Variants in CDH4 observed in about 807,000 individuals in gnomAD.
CDH4 encodes cadherin-4.
A neutral mutation model predicts 86.0 loss-of-function variants in CDH4; 33 were observed. That is an observed-to-expected ratio of 0.38 (90% CI 0.29 to 0.51). The LOEUF (loss-of-function observed/expected upper bound fraction) is 0.51, where lower values mean the gene tolerates loss of function less well. Among genes scored for constraint, CDH4 ranks in the 20% least tolerant of loss-of-function variants. The pLI, the probability that CDH4 is intolerant of heterozygous loss-of-function variation, is 0.86. For synonymous variants in CDH4, 555 were observed against 549.4 expected (o/e 1.01, Z -0.14); for missense variants, 1,114 against 1,307.4 (o/e 0.85, Z 2.28).
At position 61,357,004 on chromosome 20, in the gene CDH4, G is replaced by A. The variant is rs374844112; in HGVS notation, c.169+102067G>A. Among the ~76,000 whole-genome samples, 13 of 152,318 alleles carry A rather than the reference G, an allele frequency of 8.5e-5. 1 individual carries two copies. The East Asian group carries it at 1.4e-3, about 16-fold the overall frequency. Reference sequence around the variant, plus strand: ...GGAATCTGTAGTGGGCCTGAACTCCGTGGGGTGTTCCAGGGTTAGGGTCAA... The same window carrying A: ...GGAATCTGTAGTGGGCCTGAACTCCATGGGGTGTTCCAGGGTTAGGGTCAA... On this transcript the variant is annotated intron_variant, in intron 2 of 15. Transcript: ENST00000614565.
chr20:61,767,589 C>A (rs1350490410), intron 3 of CDH4, among the ~76,000 whole-genome samples: 1 of 152,174 alleles, frequency 6.6e-6, no homozygotes, highest in African/African-American at 2.4e-5. Flanking sequence ...TGAGCTAAAA[C>A]CCTATAGGCT....
At chr20:61,644,906 C>T (rs1462884079) in intron 2 of CDH4, among the ~76,000 whole-genome samples, 2 of 152,198 alleles carry the variant, frequency 1.3e-5, no homozygotes, top group South Asian at 2.1e-4. Context: ...AGGGAGGAGT[C>T]GCTGAGTCGT....
At chr20:61,583,163 G>C (rs532458863) in intron 2 of CDH4, among the ~76,000 whole-genome samples, 4 of 112,596 alleles carry the variant, frequency 3.6e-5, no homozygotes, top group Non-Finnish European at 8.0e-5. Context: ...AGGGACAGAG[G>C]GCTCTGCGGG....
chr20:61,651,855 G>A (rs1190794663), intron 2 of CDH4, among the ~76,000 whole-genome samples: 4 of 152,222 alleles, frequency 2.6e-5, no homozygotes, highest in African/African-American at 7.2e-5. Context: ...CTTTGAGGCT[G>A]TGGGTGGGAA....
At chr20:61,797,367 C>T (rs1317389607) in intron 4 of CDH4, among the ~76,000 whole-genome samples, 2 of 152,210 alleles carry the variant, frequency 1.3e-5, no homozygotes, top group Non-Finnish European at 2.9e-5. Context: ...TGAAACTGCA[C>T]AGCGGGGAGG....
intron 6 of CDH4, among the ~76,000 whole-genome samples, chr20:61,866,971 G>A (rs550051015): frequency 5.3e-5 from 8 of 152,312 alleles, no homozygotes; most frequent in South Asian, 2.1e-4. Context: ...CCCTGCCGTC[G>A]CCCTTTCCCG....
At chr20:61,311,084 C>T (rs1472847042) in intron 2 of CDH4, among the ~76,000 whole-genome samples, 2 of 152,164 alleles carry the variant, frequency 1.3e-5, no homozygotes, top group Non-Finnish European at 2.9e-5. Context: ...CCATCAGATC[C>T]ATACAGTGAA....
intron 2 of CDH4, among the ~76,000 whole-genome samples, chr20:61,368,546 A>ATT (rs897452791): frequency 2.7e-5 from 4 of 147,286 alleles, no homozygotes; most frequent in African/African-American, 9.9e-5. Context: ...AGGAATGGTA[A>ATT]TTTTTTTTTT....
chr20:61,805,586 G>A (rs1007297439), intron 4 of CDH4, among the ~76,000 whole-genome samples: 11 of 152,200 alleles, frequency 7.2e-5, no homozygotes, highest in African/African-American at 1.7e-4. Flanking sequence ...CAGCCTGCCC[G>A]GGGGTCTCGG....
intron 2 of CDH4, among the ~76,000 whole-genome samples, chr20:61,585,629 C>CGGTGAT (rs1336391664): frequency 2.0e-5 from 3 of 151,978 alleles, no homozygotes; most frequent in South Asian, 4.2e-4. Context: ...ATGGTCATGA[C>CGGTGAT]GGTGATGGTG....
intron 7 of CDH4, among the ~76,000 whole-genome samples, chr20:61,885,656 G>A (rs984773152): frequency 3.3e-5 from 5 of 152,162 alleles, no homozygotes; most frequent in East Asian, 1.9e-4. Flanking sequence ...ACCCAGGAGC[G>A]GAGCTGCCAG....
chr20:61,625,800 A>C (rs1285586001), intron 2 of CDH4, among the ~76,000 whole-genome samples: 1 of 152,232 alleles, frequency 6.6e-6, no homozygotes, highest in Non-Finnish European at 1.5e-5. Context: ...GTTATACCAC[A>C]TCATCTGTAC....
chr20:61,307,426 G>T (rs1358872114), intron 2 of CDH4, among the ~76,000 whole-genome samples: 1 of 151,986 alleles, frequency 6.6e-6, no homozygotes, highest in Non-Finnish European at 1.5e-5. Context: ...AACACACGTT[G>T]CATGTGTCAG....
intron 2 of CDH4, among the ~76,000 whole-genome samples, chr20:61,421,576 A>C (rs2427088): frequency 0.31 from 46,477 of 151,964 alleles, 7,471 homozygotes; most frequent in East Asian, 0.56. Flanking sequence ...CAGCTTGCAC[A>C]GAGCCCCCTT....
At chr20:61,350,905 T>C (rs1207728952) in intron 2 of CDH4, among the ~76,000 whole-genome samples, 1 of 152,166 alleles carries the variant, frequency 6.6e-6, no homozygotes, top group Non-Finnish European at 1.5e-5. Context: ...AAAGGAAATA[T>C]TGTACACATT....
chr20:61,315,430 A>G (rs997562791), intron 2 of CDH4, among the ~76,000 whole-genome samples: 6 of 152,210 alleles, frequency 3.9e-5, no homozygotes, highest in African/African-American at 9.6e-5. Context: ...AAAAAAGACC[A>G]GAAGCCAGCC....
chr20:61,699,916 G>A (rs897513392), intron 2 of CDH4, among the ~76,000 whole-genome samples: 9 of 152,222 alleles, frequency 5.9e-5, no homozygotes, highest in Non-Finnish European at 1.2e-4. Context: ...AAACAGTGAG[G>A]CCAGGGGTTT....
chr20:61,746,874 T>TG (rs1373660248), intron 3 of CDH4, among the ~76,000 whole-genome samples: 1 of 151,600 alleles, frequency 6.6e-6, no homozygotes, highest in Non-Finnish European at 1.5e-5. Context: ...AGGCAGGGAG[T>TG]GGGGGTCACT....
chr20:61,815,530 G>C (rs1483319620), intron 4 of CDH4, among the ~76,000 whole-genome samples: 1 of 152,224 alleles, frequency 6.6e-6, no homozygotes, highest in Non-Finnish European at 1.5e-5. Context: ...CCTCTGTCCT[G>C]AGCCTCTGAA....
Sources: allele counts gnomAD v4.1 joint callset (sites outside exome capture counted in the v4.1 genomes callset), GRCh38; gene constraint gnomAD v4.1.1; transcripts MANE v1.5; gene names NCBI Gene and HGNC (gene_info 2026-07-23, HGNC 2026-07-21).